Variants in ZSCAN23 observed in about 807,000 individuals in gnomAD.
ZSCAN23 encodes zinc finger and SCAN domain containing 23, also known as zinc finger and SCAN domain-containing protein 23.
Under a neutral mutation model 19.3 loss-of-function variants are expected in ZSCAN23, and 19 were observed. The ratio of observed to expected loss-of-function variants is 0.99; its 90% CI spans 0.69 to 1.45. ZSCAN23 has a LOEUF of 1.45. Among genes scored for constraint, ZSCAN23 ranks in the 40% most tolerant of loss-of-function variants. ZSCAN23 has a pLI of 0.00. For missense variants in ZSCAN23, 372 were observed against 462.5 expected, an observed-to-expected ratio of 0.80 and a Z score of 1.79; for synonymous variants, 140 against 166.2, an observed-to-expected ratio of 0.84 and a Z score of 1.21.
chr6:28,437,186 A>G (rs879881636), intron 1 of ZSCAN23, among the ~76,000 whole-genome samples: 6 of 152,246 alleles, frequency 3.9e-5, no homozygotes, highest in Non-Finnish European at 8.8e-5. Context: ...AGGCTCAGAG[A>G]TACTAAAATG....
chr6:28,442,001 C>T (rs1009868632), intron 1 of ZSCAN23, among the ~76,000 whole-genome samples: 1 of 151,604 alleles, frequency 6.6e-6, no homozygotes, highest in East Asian at 2.0e-4. Flanking sequence ...CCTCAGCTTC[C>T]GGAGTAGCTG....
chr6:28,429,212 CAT>C (rs1311194076), downstream of ZSCAN23, among the ~76,000 whole-genome samples: 2 of 152,190 alleles, frequency 1.3e-5, no homozygotes, highest in Non-Finnish European at 2.9e-5. Flanking sequence ...CTCAAGGCAA[CAT>C]GTCTTTCCCA....
downstream of ZSCAN23, among the ~76,000 whole-genome samples, chr6:28,431,692 C>T (rs1761764148): frequency 6.6e-6 from 1 of 152,080 alleles, no homozygotes; most frequent in Non-Finnish European, 1.5e-5. Flanking sequence ...TGCTTTTCTC[C>T]CTGTCCTCCA....
chr6:28,436,491 A>C, intron 1 of ZSCAN23, 148 bp from the exon 2 acceptor site: 1 of 439,598 alleles, frequency 2.3e-6, no homozygotes, highest in South Asian at 6.1e-5. Context: ...AGAAATACAA[A>C]TCCAGATAAT....
In ZSCAN23 at chr6:28,437,318, T is replaced by C. The variant is rs1761913331; in HGVS notation, c.-77-975A>G. Among the ~76,000 whole-genome samples, 4 of 152,328 alleles carry C rather than the reference T, an allele frequency of 2.6e-5. No homozygotes were observed. In the South Asian group the frequency reaches 8.3e-4, roughly 32 times the overall value. On this transcript the variant is annotated intron_variant, in intron 1 of 3. Transcript: ENST00000289788. The stretch of plus-strand genomic sequence containing the variant: ...TGAAGGTGGAGAGTAGGCAATTTTA[T>C]GTAAAATAAAATTACTGCTAATAAA...
chr6:28,443,188 T>C (rs1474666566), intron 1 of ZSCAN23, among the ~76,000 whole-genome samples: 3 of 152,046 alleles, frequency 2.0e-5, no homozygotes, highest in South Asian at 2.1e-4. Context: ...GGAACAGACA[T>C]AGGGTGGGGG....
At chr6:28,441,874 A>ATTTTTTTTTTTTTTTTTTTTTTAT (rs371867784) in intron 1 of ZSCAN23, among the ~76,000 whole-genome samples, 1 of 130,970 alleles carries the variant, frequency 7.6e-6, no homozygotes. Flanking sequence ...CTGGTTGTTA[A>ATTTTTTTTTTTTTTTTTTTTTTAT]TTTTTTTTTT....
the ZSCAN23 span, among the ~76,000 whole-genome samples, chr6:28,423,544 T>A: frequency 1.3e-5 from 2 of 152,200 alleles, no homozygotes; most frequent in Non-Finnish European, 2.9e-5. Context: ...TGTGTATCAC[T>A]GGTCTCCACC....
intron 2 of ZSCAN23, 50 bp from the exon 3 acceptor site, chr6:28,435,657 C>A: frequency 6.6e-7 from 1 of 1,518,042 alleles, no homozygotes; most frequent in Non-Finnish European, 8.8e-7. Flanking sequence ...GAGAACATGG[C>A]AAGGAGGCCT....
chr6:28,436,686 G>C (rs72854560), intron 1 of ZSCAN23, among the ~76,000 whole-genome samples: 1,604 of 152,254 alleles, frequency 0.011, 9 homozygotes, highest in Middle Eastern at 0.02. Context: ...TTGGGCCCAA[G>C]TGGTCACAGA....
chr6:28,422,579 G>C, the ZSCAN23 span, among the ~76,000 whole-genome samples: 3 of 152,292 alleles, frequency 2.0e-5, no homozygotes, highest in South Asian at 6.2e-4. The surrounding 1 kb of genome is among the most constrained non-coding windows in gnomAD (Gnocchi z 4.0). Flanking sequence ...CCTTTTAGTA[G>C]TTTTCTATTG....
At chr6:28,427,882 C>G (rs1007101788), downstream of ZSCAN23, among the ~76,000 whole-genome samples, 1 of 152,070 alleles carries the variant, frequency 6.6e-6, no homozygotes, top group Non-Finnish European at 1.5e-5. Flanking sequence ...GAGTTCGACA[C>G]CAGCTTGACC....
chr6:28,436,956 C>G (rs1322425212), intron 1 of ZSCAN23, among the ~76,000 whole-genome samples: 1 of 152,150 alleles, frequency 6.6e-6, no homozygotes, highest in Non-Finnish European at 1.5e-5. Flanking sequence ...GAGCCTTGGT[C>G]TCTTCAATCT....
chr6:28,436,723 G>T (rs925648023), intron 1 of ZSCAN23, among the ~76,000 whole-genome samples: 1 of 152,070 alleles, frequency 6.6e-6, no homozygotes, highest in Non-Finnish European at 1.5e-5. Context: ...GAAGAAAAGG[G>T]AAACAAATGG....
chr6:28,438,602 A>G (rs777044513), intron 1 of ZSCAN23, among the ~76,000 whole-genome samples: 6 of 152,186 alleles, frequency 3.9e-5, no homozygotes, highest in Non-Finnish European at 8.8e-5. Context: ...GGGGAAGCAA[A>G]CATGTCCTTC....
At chr6:28,421,576 T>G in the ZSCAN23 span, among the ~76,000 whole-genome samples, 3 of 152,156 alleles carry the variant, frequency 2.0e-5, no homozygotes, top group African/African-American at 7.2e-5. Context: ...CACACCATCT[T>G]GCCAAAATCA....
intron 1 of ZSCAN23, among the ~76,000 whole-genome samples, chr6:28,438,081 G>A (rs1761928935): frequency 6.7e-6 from 1 of 149,566 alleles, no homozygotes; most frequent in Non-Finnish European, 1.5e-5. Context: ...ACTCTATTCT[G>A]TTTGTTGTTT....
chr6:28,439,629 G>A (rs760001894), intron 1 of ZSCAN23, among the ~76,000 whole-genome samples: 4 of 151,998 alleles, frequency 2.6e-5, no homozygotes, highest in African/African-American at 9.7e-5. Flanking sequence ...TAATAATAGC[G>A]GACATTTATA....
the ZSCAN23 span, among the ~76,000 whole-genome samples, chr6:28,421,985 C>A: frequency 1.3e-5 from 2 of 151,958 alleles, no homozygotes; most frequent in Non-Finnish European, 2.9e-5. Flanking sequence ...ATTATGTTTA[C>A]ATTTTTAAAA....
Sources: allele counts gnomAD v4.1 joint callset (sites outside exome capture counted in the v4.1 genomes callset), GRCh38; gene constraint gnomAD v4.1.1; non-coding constraint Gnocchi (gnomAD v3.1); transcripts MANE v1.5; gene names NCBI Gene and HGNC (gene_info 2026-07-23, HGNC 2026-07-21).